The following PKD2L1 variants were observed in gnomAD, a reference collection of about 807,000 sequenced individuals.
The protein encoded by PKD2L1 is polycystin-2-like protein 1.
In PKD2L1, 77 loss-of-function variants were observed where a neutral mutation model predicts 93.0. That is an observed-to-expected ratio of 0.83 (90% CI 0.69 to 1.00). PKD2L1 has a LOEUF of 1.00. Ranked by LOEUF, PKD2L1 falls within the 50% of genes least tolerant of loss-of-function variation. The pLI is 0.00. For synonymous variants in PKD2L1, 390 were observed against 388.0 expected (o/e 1.01, Z -0.06); for missense variants, 977 against 990.9 (o/e 0.99, Z 0.19).
rs758504485 is a variant in PKD2L1 at position 100,294,592 on chromosome 10, G to A, written c.1602C>T (p.Arg534=). ...FDYNAIDNAN[R]ILGPAYFVTY... ...TGACAAAGTAGGCAGGGCCCAGGAT[G>A]CGGTTGGCATTGTCGATAGCATTGT... The change falls in exon 9 of 16, where the codon CGC becomes CGT. Residue 534 remains arginine (R), a synonymous_variant. Transcript: ENST00000318222. 16 of 1,613,882 alleles carry A rather than the reference G, an allele frequency of 9.9e-6. No homozygotes were observed. The South Asian group carries it at 1.5e-4, about 16-fold the overall frequency.
At chr10:100,292,353 G>A (rs1334531253) in intron 11 of PKD2L1, among the ~76,000 whole-genome samples, 4 of 152,034 alleles carry the variant, frequency 2.6e-5, no homozygotes, top group African/African-American at 7.2e-5. Flanking sequence ...TTAGCCGGGC[G>A]TGGTGGCACA....
intron 2 of PKD2L1, among the ~76,000 whole-genome samples, chr10:100,315,925 A>G (rs1849091910): frequency 1.3e-5 from 2 of 151,756 alleles, no homozygotes; most frequent in African/African-American, 4.9e-5. Context: ...AAAACAGTTA[A>G]AAACAGTTTT....
At position 100,329,240 on chromosome 10, in the gene PKD2L1, T is replaced by A. The variant is rs1018696724; in HGVS notation, c.320A>T (p.Tyr107Phe). 14 of 1,613,964 alleles carry A rather than the reference T, an allele frequency of 8.7e-6. No homozygotes were observed. Among genetic ancestry groups the A allele is most frequent in the Non-Finnish European group, 1.2e-5 (14 of 1,179,976 alleles). ...IKTTLRELLV[Y>F]IVFLVDICLL... ...ACAGATGTCCACCAGGAACACAATA[T>A]ATACCAACAGCTCCCTCAGGGTGGT... The change falls in exon 2 of 16, where the codon TAT (tyrosine) becomes TTT (phenylalanine). Residue 107 changes from tyrosine (Y) to phenylalanine (F), a missense_variant. By Grantham distance (22) the Tyr-to-Phe change is conservative. Transcript: ENST00000318222.
chr10:100,318,957 T>C (rs1849168508), intron 2 of PKD2L1, among the ~76,000 whole-genome samples: 1 of 151,966 alleles, frequency 6.6e-6, no homozygotes, highest in Non-Finnish European at 1.5e-5. Context: ...GTGATTCTCC[T>C]GCCTCAGCTT....
At position 100,330,070 on chromosome 10, in the gene PKD2L1, G is replaced by T; in HGVS notation, c.34C>A (p.Leu12Met). The change falls in exon 1 of 16, where the codon CTG becomes ATG. Residue 12 changes from leucine (L) to methionine (M), a missense_variant. Leu to Met is a conservative substitution (Grantham distance 15). Coordinates refer to ENST00000318222, the MANE Select transcript of PKD2L1 (RefSeq NM_016112.3). ...CAGGCTCCACTCCCCAGCTTTTGCA[G>T]CTCCTGCCCCTCAGGACTTCCCACA... is the stretch of plus-strand genomic sequence containing the variant. ...NAVGSPEGQE[L>M]QKLGSGAWDN... is the part of the protein sequence containing the mutation. 2.5e-6 allele frequency: 4 copies of T among 1,602,166 alleles called. No homozygotes were observed. The highest frequency in any genetic ancestry group is 3.4e-6 in the Non-Finnish European group (4 of 1,172,586).
chr10:100,290,376 A>G, intron 13 of PKD2L1, 25 bp downstream of exon 13: 1 of 1,504,116 alleles, frequency 6.6e-7, no homozygotes, highest in Non-Finnish European at 9.2e-7. Flanking sequence ...CCAGCCCTGA[A>G]CCAGCCTTTC....
intron 2 of PKD2L1, among the ~76,000 whole-genome samples, chr10:100,317,479 C>CA (rs546633600): frequency 2.6e-5 from 4 of 151,924 alleles, no homozygotes; most frequent in Non-Finnish European, 5.9e-5. Flanking sequence ...GTCAAGGGTA[C>CA]AGTGAGCCCT....
intron 5 of PKD2L1, 22 bp downstream of exon 5, chr10:100,297,360 A>G (rs1848567512): frequency 1.9e-6 from 3 of 1,594,560 alleles, no homozygotes; most frequent in South Asian, 2.2e-5. Context: ...ACAGGGTGAT[A>G]AAGTAGGGAA....
intron 2 of PKD2L1, among the ~76,000 whole-genome samples, chr10:100,328,859 G>C (rs1849437311): frequency 6.6e-6 from 1 of 152,078 alleles, no homozygotes; most frequent in Non-Finnish European, 1.5e-5. Context: ...CAAAGTGCTG[G>C]GATTACAGGC....
intron 2 of PKD2L1, among the ~76,000 whole-genome samples, chr10:100,321,506 C>G (rs932118665): frequency 4.8e-5 from 7 of 147,070 alleles, no homozygotes; most frequent in African/African-American, 1.8e-4. Context: ...AACACCCCAT[C>G]TCTACAAAAA....
chr10:100,310,245 G>C (rs912467121), intron 2 of PKD2L1, among the ~76,000 whole-genome samples: 1 of 152,128 alleles, frequency 6.6e-6, no homozygotes, highest in Non-Finnish European at 1.5e-5. Context: ...TGAGGCAGGA[G>C]GGTGCTTGAG....
chr10:100,327,114 G>A (rs1849396497), intron 2 of PKD2L1, among the ~76,000 whole-genome samples: 1 of 152,160 alleles, frequency 6.6e-6, no homozygotes, highest in African/African-American at 2.4e-5. Context: ...GTGTTTCTCA[G>A]TCCAACGTCT....
chr10:100,323,448 T>A (rs943173730), intron 2 of PKD2L1, among the ~76,000 whole-genome samples: 1 of 152,142 alleles, frequency 6.6e-6, no homozygotes, highest in Admixed American at 6.5e-5. Flanking sequence ...TTTGTATTTT[T>A]AGTAGAGTAG....
At chr10:100,325,655 A>C (rs144449665) in intron 2 of PKD2L1, among the ~76,000 whole-genome samples, 2 of 152,158 alleles carry the variant, frequency 1.3e-5, no homozygotes, top group African/African-American at 4.8e-5. Flanking sequence ...TAAGAGTGCA[A>C]TTCCACAGGA....
intron 2 of PKD2L1, among the ~76,000 whole-genome samples, chr10:100,307,575 G>A (rs141215787): frequency 3.7e-4 from 56 of 152,244 alleles, no homozygotes; most frequent in African/African-American, 1.2e-3. Context: ...TGGGAGGATC[G>A]CTTGAGCCCT....
chr10:100,296,071 G>A (rs755640203), intron 7 of PKD2L1, 51 bp downstream of exon 7: 147 of 1,440,400 alleles, frequency 1.0e-4, no homozygotes, highest in Non-Finnish European at 1.3e-4. Context: ...AAGAAAAGAA[G>A]GGAGAATGAG....
rs142349028 is a variant in PKD2L1, at chr10:100,308,952, G to A, written c.350-9234C>T. On this transcript the variant is annotated intron_variant, in intron 2 of 15. Transcript: ENST00000318222. ...CACTTGTTAAACTCAAAAGATCACC[G>A]TCTTGAAAGAAGCTCCATTCTGGTG... Among the ~76,000 whole-genome samples, 6 of 152,234 alleles carry A rather than the reference G, an allele frequency of 3.9e-5. No homozygotes were observed. In the East Asian group the frequency reaches 7.7e-4, roughly 20 times the overall value.
chr10:100,295,582 AG>A (rs1217928907), intron 7 of PKD2L1, among the ~76,000 whole-genome samples: 3 of 150,758 alleles, frequency 2.0e-5, no homozygotes, highest in South Asian at 2.1e-4. Flanking sequence ...AAATACAAAA[AG>A]TTAGCTGGGT....
chr10:100,291,259 C>G (rs1226653741), intron 12 of PKD2L1, 42 bp downstream of exon 12: 2 of 1,594,248 alleles, frequency 1.3e-6, no homozygotes, highest in Non-Finnish European at 1.7e-6. Flanking sequence ...AGAGGGTGAG[C>G]TATTTCCTTA....
Sources: allele counts gnomAD v4.1 joint callset (sites outside exome capture counted in the v4.1 genomes callset), GRCh38; gene constraint gnomAD v4.1.1; transcripts MANE v1.5; gene names NCBI Gene and HGNC (gene_info 2026-07-23, HGNC 2026-07-21).